The following EMP2 variants were observed in gnomAD, a reference collection of about 807,000 sequenced individuals.
The protein encoded by EMP2 is epithelial membrane protein 2.
Under a neutral mutation model 13.7 loss-of-function variants are expected in EMP2, and 19 were observed. The observed-to-expected ratio is 1.38, with a 90% CI of 0.97 to 2.03. The LOEUF is 2.03. EMP2 is among the 30% of genes most tolerant of loss of function. The pLI is 0.00. For missense variants in EMP2, 253 were observed against 220.7 expected, an observed-to-expected ratio of 1.15 and a Z score of -0.93; for synonymous variants, 97 against 84.7, an observed-to-expected ratio of 1.15 and a Z score of -0.80.
intron 3 of EMP2, among the ~76,000 whole-genome samples, chr16:10,541,093 G>GAA (rs71133367): frequency 7.0e-6 from 1 of 142,938 alleles, no homozygotes; most frequent in African/African-American, 2.6e-5. Context: ...GATTCAAACG[G>GAA]AAAAAAAAAA....
intron 1 of EMP2, among the ~76,000 whole-genome samples, chr16:10,568,806 G>A (rs1282909279): frequency 5.3e-5 from 3 of 56,966 alleles, no homozygotes; most frequent in Non-Finnish European, 8.7e-5. Context: ...TTTTTTTTGA[G>A]ATGGAATTTC....
intron 1 of EMP2, among the ~76,000 whole-genome samples, chr16:10,561,989 A>C (rs925047879): frequency 3.3e-5 from 5 of 152,226 alleles, no homozygotes; most frequent in African/African-American, 1.2e-4. Context: ...AATTCTGCCA[A>C]ACACTTAAGG....
chr16:10,569,404 C>T (rs2050931675), intron 1 of EMP2, among the ~76,000 whole-genome samples: 1 of 152,226 alleles, frequency 6.6e-6, no homozygotes, highest in Non-Finnish European at 1.5e-5. Context: ...ATGATCACAG[C>T]TTGCTGCAGC....
intron 4 of EMP2, among the ~76,000 whole-genome samples, chr16:10,536,204 C>T (rs1405783251): frequency 1.3e-5 from 2 of 152,116 alleles, no homozygotes; most frequent in Non-Finnish European, 2.9e-5. Context: ...ACTGGGGTTT[C>T]CTAGGATGCG....
intron 1 of EMP2, among the ~76,000 whole-genome samples, chr16:10,564,069 A>C (rs2050890911): frequency 6.6e-6 from 1 of 152,244 alleles, no homozygotes; most frequent in African/African-American, 2.4e-5. Context: ...GTATGCCTGG[A>C]GGTAGTTCAC....
rs139887211 is a variant in EMP2 at position 10,537,956 on chromosome 16, G to A, written c.288C>T (p.Val96=). 11 of 1,613,976 alleles carry A rather than the reference G, an allele frequency of 6.8e-6. No homozygotes were observed. In the East Asian group the frequency reaches 1.1e-4, roughly 16 times the overall value. Residue 96 remains valine, a synonymous_variant, in exon 4 of 5, where the codon GTC becomes GTT. Coordinates refer to ENST00000359543, the MANE Select transcript of EMP2 (RefSeq NM_001424.6). ...LFRLKQGERF[V]LTSIIQLMSC... is the part of the protein sequence containing the mutation. ...ACATTAGCTGGATGATGGAGGTTAG[G>A]ACAAACCTCTCTCCCTGCTTCAGGC...
At chr16:10,551,895 CCTT>C (rs1307932537) in intron 1 of EMP2, among the ~76,000 whole-genome samples, 1 of 152,112 alleles carries the variant, frequency 6.6e-6, no homozygotes. Context: ...AGGGTCCACT[CCTT>C]GAGACCCAGG....
chr16:10,561,964 A>T (rs527347121), intron 1 of EMP2, among the ~76,000 whole-genome samples: 1 of 152,362 alleles, frequency 6.6e-6, no homozygotes, highest in East Asian at 1.9e-4. Flanking sequence ...CCAGGCCCAG[A>T]TGGCTTCATG....
chr16:10,573,170 C>T (rs1419123645), intron 1 of EMP2, among the ~76,000 whole-genome samples: 1 of 152,242 alleles, frequency 6.6e-6, no homozygotes, highest in Non-Finnish European at 1.5e-5. Flanking sequence ...CCACCTCAGC[C>T]TTCAGAGCAG....
chr16:10,548,581 C>G (rs944468849), intron 1 of EMP2, among the ~76,000 whole-genome samples: 1 of 152,056 alleles, frequency 6.6e-6, no homozygotes, highest in Non-Finnish European at 1.5e-5. Context: ...GTGGTCCCAC[C>G]TACTTGGTAA....
chr16:10,552,097 T>C (rs2050792627), intron 1 of EMP2, among the ~76,000 whole-genome samples: 1 of 151,090 alleles, frequency 6.6e-6, no homozygotes, highest in African/African-American at 2.5e-5. Context: ...CATATGCTGC[T>C]GCCTCCAAAA....
intron 1 of EMP2, among the ~76,000 whole-genome samples, chr16:10,552,124 T>C (rs1440096345): frequency 6.6e-6 from 1 of 152,000 alleles, no homozygotes; most frequent in Non-Finnish European, 1.5e-5. Flanking sequence ...ATTCCCTTTT[T>C]TTTTTTTTTT....
rs1370457855 is a variant in EMP2, at chr16:10,532,950, G to T, written c.459C>A (p.Thr153=). The change falls in exon 5 of 5, where the codon ACC becomes ACA. Residue 153 remains threonine, a synonymous_variant. Transcript: ENST00000359543. The part of the protein sequence containing the change: ...YILAWVAFAC[T]FISGMMYLIL... ...TCAGGTACATCATGCCGCTGATGAA[G>T]GTGCAGGCGAAGGCCACCCACGCCA... The T allele has an allele frequency of 8.1e-6, 13 of 1,604,636 alleles. No individual in the cohort carries two copies. The highest frequency in any genetic ancestry group is 1.7e-5 in the Admixed American group (1 of 59,018).
intron 1 of EMP2, among the ~76,000 whole-genome samples, chr16:10,562,153 T>C (rs778341040): frequency 6.6e-6 from 1 of 152,162 alleles, no homozygotes; most frequent in Non-Finnish European, 1.5e-5. Context: ...CACATGTGCA[T>C]GAGTGAAAAA....
intron 1 of EMP2, among the ~76,000 whole-genome samples, chr16:10,557,779 T>C (rs892594136): frequency 2.0e-5 from 3 of 151,966 alleles, no homozygotes; most frequent in African/African-American, 7.3e-5. Flanking sequence ...TAAAATAATA[T>C]AGAACACAGG....
chr16:10,549,894 T>C (rs1464199282), intron 1 of EMP2, among the ~76,000 whole-genome samples: 1 of 140,856 alleles, frequency 7.1e-6, no homozygotes, highest in Non-Finnish European at 1.5e-5. Context: ...TTTTTTTTTT[T>C]TTTTTTTTTG....
At chr16:10,555,111 G>T (rs1381051527) in intron 1 of EMP2, among the ~76,000 whole-genome samples, 1 of 152,050 alleles carries the variant, frequency 6.6e-6, no homozygotes, top group Non-Finnish European at 1.5e-5. Flanking sequence ...AACGAAGGAG[G>T]GCCAAGACTT....
chr16:10,573,919 A>G (rs966405139), intron 1 of EMP2, among the ~76,000 whole-genome samples: 1 of 150,944 alleles, frequency 6.6e-6, no homozygotes, highest in African/African-American at 2.4e-5. Flanking sequence ...ATATGGGTAC[A>G]ATGGATAAAC....
rs930286446 is a variant in EMP2 at position 10,533,289 on chromosome 16, C to T, written c.317-197G>A. 3.3e-5 allele frequency among the ~76,000 whole-genome samples: 5 copies of T among 152,182 alleles called. No homozygotes were observed. In the East Asian group the frequency reaches 5.8e-4, roughly 18 times the overall value. ...CTGAGCTCAAGCAATCCTCCTGCCT[C>T]GGCCTCCCAAAGTGCTGGGATTACA... On this transcript the variant is annotated intron_variant, in intron 4 of 4. Coordinates refer to ENST00000359543, the MANE Select transcript of EMP2 (RefSeq NM_001424.6).
Sources: gnomAD v4.1 joint callset for allele counts (sites outside exome capture counted in the v4.1 genomes callset) on GRCh38, gnomAD v4.1.1 for gene constraint, MANE v1.5 for transcripts, NCBI Gene and HGNC (gene_info 2026-07-23, HGNC 2026-07-21) for gene names.